The following STX1A variants were observed in gnomAD, a reference collection of about 807,000 sequenced individuals.
The protein encoded by STX1A is syntaxin-1A.
STX1A carries 4 observed loss-of-function variants against 37.8 expected under a neutral mutation model. The ratio of observed to expected loss-of-function variants is 0.11; its 90% CI spans 0.05 to 0.24. STX1A has a LOEUF of 0.24. Ranked by LOEUF, STX1A falls within the 10% of genes least tolerant of loss-of-function variation. The pLI is 1.00. For synonymous variants in STX1A, 135 were observed against 147.4 expected (o/e 0.92, Z 0.61); for missense variants, 251 against 399.9 (o/e 0.63, Z 3.18).
chr7:73,703,288 C>A (rs1228089236), intron 7 of STX1A: 11 of 547,004 alleles, frequency 2.0e-5, no homozygotes, highest in Non-Finnish European at 3.7e-5. Context: ...AAGTTGACTG[C>A]CCCGTGGACC....
chr7:73,719,543 T>C, intron 1 of STX1A, 59 bp downstream of exon 1: 1 of 1,197,000 alleles, frequency 8.4e-7, no homozygotes, highest in Non-Finnish European at 1.0e-6. Flanking sequence ...GCGGGAAGTG[T>C]CCGGCGCGTT....
In STX1A at chr7:73,702,673, G is replaced by C. The variant is rs1452689156; in HGVS notation, c.678+172C>G. 1.4e-6 allele frequency: 2 copies of C among 1,481,248 alleles called. No homozygotes were observed. The highest frequency in any genetic ancestry group is 4.9e-5 in the East Asian group (2 of 40,542). 91.8% of individuals were successfully genotyped at this position (1,481,248 alleles called of 1,614,324 possible). A position where few individuals can be genotyped will look rare whatever the true frequency, so the allele number is the denominator to read the frequency against. ...CTCAAGCAGAGCCATGCAGAGGACAGGGACCTTCGGGTCGGCAGGGCCCTG... is the reference window on the plus strand; with the variant it reads ...CTCAAGCAGAGCCATGCAGAGGACACGGACCTTCGGGTCGGCAGGGCCCTG... On this transcript the variant is annotated intron_variant, in intron 8 of 9. Coordinates refer to ENST00000222812, the MANE Select transcript of STX1A (RefSeq NM_004603.4). This position sits in a 1 kb window ranked among gnomAD's most constrained non-coding sequence, Gnocchi z 4.7.
chr7:73,700,418 T>A lies in STX1A; in HGVS notation c.856A>T (p.Ile286Phe). The A allele has an allele frequency of 6.2e-7, 1 of 1,613,940 alleles. No homozygotes were observed. The highest frequency in any genetic ancestry group is 8.5e-7 in the Non-Finnish European group (1 of 1,179,928). Reference protein sequence around the residue: ...GIVIASTVGGIFA With the variant: ...GIVIASTVGGFFA Reference sequence around the variant, plus strand: ...AGTTTGGGTGGCTTCTAGGCGAAGATGCCCCCAACAGTGGAGGCGATGACG... The same window carrying A: ...AGTTTGGGTGGCTTCTAGGCGAAGAAGCCCCCAACAGTGGAGGCGATGACG... Residue 286 changes from isoleucine (I) to phenylalanine (F), a missense_variant, in exon 10 of 10, where the codon ATC becomes TTC. This residue lies in a region of STX1A where 214 missense variants were observed against 367.6 expected (regional missense o/e 0.58). Coordinates refer to ENST00000222812, the MANE Select transcript of STX1A (RefSeq NM_004603.4). This position sits in a 1 kb window ranked among gnomAD's most constrained non-coding sequence, Gnocchi z 4.4.
At chr7:73,714,397 C>T (rs1298652478) in intron 1 of STX1A, among the ~76,000 whole-genome samples, 2 of 151,946 alleles carry the variant, frequency 1.3e-5, no homozygotes, top group African/African-American at 2.4e-5. Context: ...CGTAAGCCAC[C>T]GCGCCCAGCT....
chr7:73,703,486 GC>G (rs1798742409), intron 7 of STX1A: 1 of 672,608 alleles, frequency 1.5e-6, no homozygotes, highest in Non-Finnish European at 2.7e-6. Context: ...GAGGAAAAGG[GC>G]CCACGGATAA....
chr7:73,715,096 G>C (rs1420290525), intron 1 of STX1A, among the ~76,000 whole-genome samples: 4 of 151,262 alleles, frequency 2.6e-5, no homozygotes, highest in African/African-American at 9.7e-5. Context: ...CTGCACTCCA[G>C]CCTGGATGAC....
At position 73,702,166 on chromosome 7, in the gene STX1A, A is replaced by G. The variant is rs1798683330; in HGVS notation, c.678+679T>C. On this transcript the variant is annotated intron_variant, in intron 8 of 9. Coordinates refer to ENST00000222812, the MANE Select transcript of STX1A (RefSeq NM_004603.4). The surrounding 1 kb of genome is among the most constrained non-coding windows in gnomAD (Gnocchi z 4.7). ...TCTTCATCTCCGCTGCGAAGTCTTCACAGCTGGCTCCTTTTCCCCCTTTTT... is the reference window on the plus strand; with the variant it reads ...TCTTCATCTCCGCTGCGAAGTCTTCGCAGCTGGCTCCTTTTCCCCCTTTTT... Among the ~76,000 whole-genome samples the G allele has an allele frequency of 2.6e-5, 4 of 152,116 alleles. No individual in the cohort carries two copies. Among genetic ancestry groups the G allele is most frequent in the Admixed American group, 2.6e-4 (4 of 15,262 alleles).
chr7:73,705,587 G>A lies in STX1A; in HGVS notation c.209-363C>T, dbSNP rs1336306901. On this transcript the variant is annotated intron_variant, in intron 3 of 9. Transcript: ENST00000222812. The surrounding 1 kb of genome is among the most constrained non-coding windows in gnomAD (Gnocchi z 5.2). Reference sequence around the variant, plus strand: ...TGACTTGATGCTTGCTGGAGTTGAAGGGGTGGGGGGGCGGTGTGGGCTCAC... The same window carrying A: ...TGACTTGATGCTTGCTGGAGTTGAAAGGGTGGGGGGGCGGTGTGGGCTCAC... 1.4e-5 allele frequency: 4 copies of A among 279,266 alleles called. No homozygotes were observed. Among genetic ancestry groups the A allele is most frequent in the Non-Finnish European group, 2.8e-5 (4 of 142,606 alleles). The allele number at this position is 279,266 out of a possible 1,614,324, so 17.3% of individuals were successfully genotyped here. A position where few individuals can be genotyped will look rare whatever the true frequency, so the allele number is the denominator to read the frequency against.
chr7:73,716,133 C>A (rs1799280922), intron 1 of STX1A, among the ~76,000 whole-genome samples: 1 of 152,354 alleles, frequency 6.6e-6, no homozygotes, highest in East Asian at 1.9e-4. Context: ...GCCGTTCCAC[C>A]TGCACCCCAG....
At chr7:73,710,421 T>G (rs567527760) in intron 1 of STX1A, among the ~76,000 whole-genome samples, 1 of 152,150 alleles carries the variant, frequency 6.6e-6, no homozygotes, top group African/African-American at 2.4e-5. Context: ...TTCCCACCTC[T>G]TTTATTTTTA....
chr7:73,708,557 C>G, intron 3 of STX1A, 32 bp downstream of exon 3: 1 of 1,596,182 alleles, frequency 6.3e-7, no homozygotes, highest in Non-Finnish European at 8.5e-7. Context: ...GCTTGTGGGG[C>G]CTGAAACCCG....
Position 73,706,238 on chromosome 7 carries a change from T to A in STX1A, c.209-1014A>T, listed in dbSNP as rs1798865816. ...GGATGGGGTCACCTCCCAAGTGGAA[T>A]GCAGTGAGGTGGAGCGGGGAAGGGG... On this transcript the variant is annotated intron_variant, in intron 3 of 9. Coordinates refer to ENST00000222812, the MANE Select transcript of STX1A (RefSeq NM_004603.4). This position sits in a 1 kb window ranked among gnomAD's most constrained non-coding sequence, Gnocchi z 4.6. Among the ~76,000 whole-genome samples the A allele has an allele frequency of 6.6e-6, 1 of 152,000 alleles. No individual in the cohort carries two copies.
chr7:73,708,785 G>C, intron 2 of STX1A, 97 bp from the exon 3 acceptor site: 1 of 1,309,564 alleles, frequency 7.6e-7, no homozygotes, highest in East Asian at 2.7e-5. Flanking sequence ...TCAGGGCTCA[G>C]GGGGAGGACG....
At chr7:73,719,351 T>A (rs1231244858) in intron 1 of STX1A, among the ~76,000 whole-genome samples, 1 of 152,092 alleles carries the variant, frequency 6.6e-6, no homozygotes, top group African/African-American at 2.4e-5. Context: ...GAAAAGTTTA[T>A]CCAGGACCCC....
rs1438549272 is a variant in STX1A at position 73,702,710 on chromosome 7, A to G, written c.678+135T>C. 3.9e-6 allele frequency: 6 copies of G among 1,536,432 alleles called. No individual in the cohort carries two copies. The highest frequency in any genetic ancestry group is 5.3e-6 in the Non-Finnish European group (6 of 1,138,390). ...TCGGCAGGGCCCTGGCGGCAGTTTC[A>G]ACAGCGGGTGATTGGTTACCTGAGA... On this transcript the variant is annotated intron_variant, in intron 8 of 9. Transcript: ENST00000222812. This position sits in a 1 kb window ranked among gnomAD's most constrained non-coding sequence, Gnocchi z 4.7.
chr7:73,705,247 G>A lies in STX1A; in HGVS notation c.209-23C>T, dbSNP rs1798828084. On this transcript the variant is annotated intron_variant, in intron 3 of 9. Coordinates refer to ENST00000222812, the MANE Select transcript of STX1A (RefSeq NM_004603.4). This position sits in a 1 kb window ranked among gnomAD's most constrained non-coding sequence, Gnocchi z 5.2. ...TCTCTGGGGAGGTAGAAAGGGTGGG[G>A]GTAGGCCTCCTAGGCTCCGCGGGGA... 2 of 1,607,950 alleles carry A rather than the reference G, an allele frequency of 1.2e-6. No individual in the cohort carries two copies. Among genetic ancestry groups the A allele is most frequent in the Non-Finnish European group, 8.5e-7 (1 of 1,174,674 alleles).
Position 73,708,695 on chromosome 7 carries a change from A to T in STX1A, c.109-7T>A. On this transcript the variant is annotated splice_polypyrimidine_tract_variant and splice_region_variant and intron_variant, in intron 2 of 9. Coordinates refer to ENST00000222812, the MANE Select transcript of STX1A (RefSeq NM_004603.4). ...AGCCTCGAATCTCCTCCACCTGCGG[A>T]CCAAGGCCAGGTGGTCAGGAGAAGG... The T allele has an allele frequency of 6.2e-7, 1 of 1,613,358 alleles. No individual in the cohort carries two copies. Among genetic ancestry groups the T allele is most frequent in the Admixed American group, 1.7e-5 (1 of 59,958 alleles).
intron 4 of STX1A, 166 bp from the exon 5 acceptor site, chr7:73,704,589 C>T (rs1351008259): frequency 1.9e-5 from 15 of 785,538 alleles, no homozygotes; most frequent in Middle Eastern, 3.7e-4. Flanking sequence ...CTACAGAAGC[C>T]CTTCCAGCTG....
intron 1 of STX1A, among the ~76,000 whole-genome samples, chr7:73,716,976 A>G (rs1799308992): frequency 6.6e-6 from 1 of 152,096 alleles, no homozygotes. Context: ...AGGGACTGCG[A>G]CAGCATTGAG....
Sources: gnomAD v4.1 joint callset for allele counts (sites outside exome capture counted in the v4.1 genomes callset) on GRCh38, gnomAD v4.1.1 for gene constraint, gnomAD v4.1.1 regional missense constraint, Gnocchi (gnomAD v3.1) non-coding constraint, MANE v1.5 for transcripts, NCBI Gene and HGNC (gene_info 2026-07-23, HGNC 2026-07-21) for gene names.